The following GIGYF1 variants were observed in gnomAD, a reference collection of about 807,000 sequenced individuals.
GIGYF1 encodes the protein GRB10 interacting GYF protein 1, also known as GRB10-interacting GYF protein 1.
GIGYF1 carries 84 observed loss-of-function variants against 147.1 expected under a neutral mutation model. The ratio of observed to expected loss-of-function variants is 0.57; its 90% confidence interval spans 0.48 to 0.68. The LOEUF is 0.68. Among genes scored for constraint, GIGYF1 ranks in the 30% least tolerant of loss-of-function variants. GIGYF1 has a pLI of 0.00. For missense variants in GIGYF1, 1,485 were observed against 1,393.7 expected (o/e 1.07, Z -1.04); for synonymous variants, 752 against 589.5 (o/e 1.28, Z -3.99).
intron 3 of GIGYF1, 49 bp downstream of exon 3, chr7:100,688,402 A>C: frequency 1.1e-5 from 8 of 713,720 alleles, no homozygotes; most frequent in East Asian, 2.7e-5. Flanking sequence ...GGGCACAACA[A>C]TGGGCCCCGG....
At position 100,681,765 on chromosome 7, in the gene GIGYF1, G is replaced by A. The variant is rs1395651149; in HGVS notation, c.3062C>T (p.Ser1021Phe). The A allele has an allele frequency of 1.3e-6, 2 of 1,589,388 alleles. No individual in the cohort carries two copies. The highest frequency in any genetic ancestry group is 8.6e-7 in the Non-Finnish European group (1 of 1,166,650). ...GATCTCACCAGAAGATCCGTGCAGG[G>A]AGTACCCTGAAGCCGGGGAGAAGCT... ...LHSDPSILGY[S>F]LHGSSGEIES... The change falls in exon 27 of 27, where the codon TCC becomes TTC. Residue 1021 changes from serine to phenylalanine, a missense_variant. Coordinates refer to ENST00000678049, the MANE Select transcript of GIGYF1 (RefSeq NM_001375765.1).
chr7:100,681,416 A>T lies in GIGYF1; in HGVS notation c.*303T>A, dbSNP rs917868065. ...CTGTGGACCTTCCATTGTCACACCC[A>T]CTATCCTCACAGCAGGAAGGGGTGT... On this transcript the variant is annotated 3_prime_UTR_variant, in exon 27 of 27. Transcript: ENST00000678049. 1.4e-5 allele frequency: 4 copies of T among 281,352 alleles called. No individual in the cohort carries two copies. The highest frequency in any genetic ancestry group is 1.1e-4 in the Admixed American group (2 of 18,866). The allele number at this position is 281,352 out of a possible 1,614,324, so 17.4% of individuals were successfully genotyped here.
rs368397637 is a variant in GIGYF1 at position 100,692,568 on chromosome 7, T to C, written c.-1099+1542A>G. Among the ~76,000 whole-genome samples, 21 of 152,366 alleles carry C rather than the reference T, an allele frequency of 1.4e-4. No individual in the cohort carries two copies. The East Asian group carries it at 2.1e-3, about 15-fold the overall frequency. On this transcript the variant is annotated intron_variant, in intron 1 of 26. Transcript: ENST00000678049. ...CCTCCTCCTCTCATCTTCTCTCCTC[T>C]AAAGTGGGCTATTTTTCTTTAATTC...
chr7:100,688,364 G>A, intron 3 of GIGYF1, 57 bp from the exon 4 acceptor site: 1 of 823,208 alleles, frequency 1.2e-6, no homozygotes, highest in South Asian at 1.5e-5. Flanking sequence ...TTAAAGCGCA[G>A]GGAGGACACC....
At chr7:100,686,143 G>A (rs774406939) in intron 11 of GIGYF1, 37 bp downstream of exon 11, 1 of 1,601,520 alleles carries the variant, frequency 6.2e-7, no homozygotes, top group East Asian at 2.2e-5. Flanking sequence ...GAGGACCCCG[G>A]AAGGGCAGGT....
At position 100,681,619 on chromosome 7, in the gene GIGYF1, C is replaced by T. The variant is rs1804775786; in HGVS notation, c.*100G>A. The T allele has an allele frequency of 8.4e-7, 1 of 1,183,674 alleles. No individual in the cohort carries two copies. The highest frequency in any genetic ancestry group is 2.8e-5 in the Admixed American group (1 of 36,090). The allele number at this position is 1,183,674 out of a possible 1,614,324, so 73.3% of individuals were successfully genotyped here. A position where few individuals can be genotyped will look rare whatever the true frequency, so the allele number is the denominator to read the frequency against. On this transcript the variant is annotated 3_prime_UTR_variant, in exon 27 of 27. Coordinates refer to ENST00000678049, the MANE Select transcript of GIGYF1 (RefSeq NM_001375765.1). ...AGTGCTGGGGACCCCGCCCCTGCCTCTTCCTGTGCTCTCTGCGGGGAGCCT... is the reference window on the plus strand; with the variant it reads ...AGTGCTGGGGACCCCGCCCCTGCCTTTTCCTGTGCTCTCTGCGGGGAGCCT...
rs1804608130 is a variant in GIGYF1 at position 100,680,280 on chromosome 7, A to G, written c.*1439T>C. The G allele has an allele frequency of 6.6e-6, 1 of 152,664 alleles. No individual in the cohort carries two copies. Among genetic ancestry groups the G allele is most frequent in the Non-Finnish European group, 1.5e-5 (1 of 68,084 alleles). The allele number at this position is 152,664 out of a possible 1,614,324, so 9.5% of individuals were successfully genotyped here. On this transcript the variant is annotated 3_prime_UTR_variant, in exon 27 of 27. Transcript: ENST00000678049. ...CCATGTCCCCAGGGCAGGAGGGAGA[A>G]ATACATTCATGGAGGGAGGCAGTGG... is the stretch of plus-strand genomic sequence containing the variant.
In GIGYF1 at chr7:100,684,225, G is replaced by A. The variant is rs1470991249; in HGVS notation, c.1730+12C>T. The A allele has an allele frequency of 1.3e-6, 2 of 1,599,340 alleles. No individual in the cohort carries two copies. The highest frequency in any genetic ancestry group is 1.7e-5 in the Admixed American group (1 of 59,604). On this transcript the variant is annotated intron_variant, in intron 17 of 26. Transcript: ENST00000678049. Reference sequence around the variant, plus strand: ...CCGGGCCTTCTCCCAGCCCACCCCAGGCCCCCCATACCTGCTGACCAGCTG... The same window carrying A: ...CCGGGCCTTCTCCCAGCCCACCCCAAGCCCCCCATACCTGCTGACCAGCTG...
In GIGYF1 at chr7:100,687,977, C is replaced by T. The variant is rs767875265; in HGVS notation, c.165+4G>A. The T allele has an allele frequency of 1.9e-6, 3 of 1,610,812 alleles. No homozygotes were observed. The South Asian group carries it at 3.3e-5, about 18-fold the overall frequency. On this transcript the variant is annotated splice_donor_region_variant and intron_variant, in intron 5 of 26. Transcript: ENST00000678049. ...CCGCCAACCCCCCTCGCCCACGCACCCACCTTGTTCTCCTTGACGTAGAGA... is the reference window on the plus strand; with the variant it reads ...CCGCCAACCCCCCTCGCCCACGCACTCACCTTGTTCTCCTTGACGTAGAGA...
Position 100,682,643 on chromosome 7 carries a change from C to G in GIGYF1, c.2547G>C (p.Gly849=), listed in dbSNP as rs1455176453. 6.2e-7 allele frequency: 1 copy of G among 1,602,746 alleles called. No individual in the cohort carries two copies. The highest frequency in any genetic ancestry group is 1.3e-5 in the African/African-American group (1 of 74,834). ...TCAGGCCGAGGCCACGGACCAGGCT[C>G]CCGCCGCTCTTGGGGGTGTCCTCCC... ...GLWEDTPKSG[G]SLVRGLGLKN... Residue 849 remains glycine (G), a synonymous_variant, in exon 23 of 27, where the codon GGG becomes GGC. Transcript: ENST00000678049.
At position 100,682,078 on chromosome 7, in the gene GIGYF1, C is replaced by T. The variant is rs1367344834; in HGVS notation, c.2919G>A (p.Gln973=). ...AKQKASQQRQ[Q]QQEAWLSSAS... is the part of the protein sequence containing the mutation. The stretch of plus-strand genomic sequence containing the variant: ...CTGGTGCCGGCTGCCTCACCTGCTG[C>T]TGCTGCCGCTGCTGGCTGGCTTTCT... The change falls in exon 25 of 27, where the codon CAG becomes CAA. Residue 973 remains glutamine (Q), a synonymous_variant. Transcript: ENST00000678049. 1.2e-6 allele frequency: 2 copies of T among 1,612,540 alleles called. No individual in the cohort carries two copies. The highest frequency in any genetic ancestry group is 1.7e-6 in the Non-Finnish European group (2 of 1,179,698).
chr7:100,693,305 T>G (rs1805970404), intron 1 of GIGYF1, among the ~76,000 whole-genome samples: 4 of 152,122 alleles, frequency 2.6e-5, no homozygotes, highest in African/African-American at 9.7e-5. Context: ...TTGTTTTTTT[T>G]TTTTTTTAAG....
chr7:100,693,807 G>C (rs1175032268), intron 1 of GIGYF1: 1 of 151,708 alleles, frequency 6.6e-6, no homozygotes, highest in African/African-American at 2.4e-5. Flanking sequence ...CGCCAGGTGC[G>C]AGGGGGGCGA....
At position 100,684,842 on chromosome 7, in the gene GIGYF1, T is replaced by A. The variant is rs376818698; in HGVS notation, c.1343A>T (p.Gln448Leu). ...CTGGGTCTGCATGGCAGCCGTGAAC[T>A]GCTCCTCCTCCAAGGAGCTGTCCTG... ...SLQDSSLEEE[Q>L]FTAAMQTQGL... is the part of the protein sequence containing the mutation. The change falls in exon 15 of 27, where the codon CAG becomes CTG. Residue 448 changes from glutamine (Q) to leucine (L), a missense_variant. Gln to Leu is a moderately radical substitution (Grantham distance 113). Transcript: ENST00000678049. The A allele has an allele frequency of 2.0e-5, 32 of 1,606,470 alleles. No homozygotes were observed. Among genetic ancestry groups the A allele is most frequent in the Non-Finnish European group, 2.6e-5 (31 of 1,175,864 alleles).
rs758561219 is a variant in GIGYF1 at position 100,684,512 on chromosome 7, C to T, written c.1567G>A (p.Glu523Lys). ...GCDEGFQPLG[E>K]VIKMWGRVPF... The stretch of plus-strand genomic sequence containing the variant: ...ACGCGGCCCCACATCTTGATCACCT[C>T]GCCCAGCGGCTGGAAGCCCTCATCG... Residue 523 changes from glutamate (E) to lysine (K), a missense_variant, in exon 16 of 27, where the codon GAG becomes AAG. Physicochemically the swap from Glu to Lys is moderately conservative, Grantham distance 56. Coordinates refer to ENST00000678049, the MANE Select transcript of GIGYF1 (RefSeq NM_001375765.1). The T allele has an allele frequency of 1.9e-6, 3 of 1,613,930 alleles. No individual in the cohort carries two copies. The highest frequency in any genetic ancestry group is 2.2e-5 in the East Asian group (1 of 44,884).
In GIGYF1 at chr7:100,685,451, TGAG is replaced by T. The variant is rs1562877537; in HGVS notation, c.1082_1084del (p.Pro361del). The T allele has an allele frequency of 6.3e-7, 1 of 1,597,862 alleles. No individual in the cohort carries two copies. The highest frequency in any genetic ancestry group is 8.5e-7 in the Non-Finnish European group (1 of 1,176,226). On this transcript the variant is annotated inframe_deletion, in exon 13 of 27. Coordinates refer to ENST00000678049, the MANE Select transcript of GIGYF1 (RefSeq NM_001375765.1). ...GGATGGGGAGCTGGACTTCTCCTCCTGAGGAGGCAGTGGGGTCAGCTCTTTCCC... is the reference window on the plus strand; with the variant it reads ...GGATGGGGAGCTGGACTTCTCCTCCTGAGGCAGTGGGGTCAGCTCTTTCCC...
At chr7:100,683,715 C>G in intron 19 of GIGYF1, 83 bp from the exon 20 acceptor site, 1 of 1,555,762 alleles carries the variant, frequency 6.4e-7, no homozygotes, top group Non-Finnish European at 8.9e-7. Flanking sequence ...GTGGGCTCCC[C>G]AGCCAGAATG....
At position 100,687,821 on chromosome 7, in the gene GIGYF1, G is replaced by T. The variant is rs762763104; in HGVS notation, c.228C>A (p.Pro76=). ...CCTCAGTCAGCGGCTCCAGAGCCAGGGGCTGCAGTGGCTCGTCCTGCAGCA... is the reference window on the plus strand; with the variant it reads ...CCTCAGTCAGCGGCTCCAGAGCCAGTGGCTGCAGTGGCTCGTCCTGCAGCA... The part of the protein sequence containing the change: ...AAVLQDEPLQ[P]LALEPLTEEE... Residue 76 remains proline, a synonymous_variant, in exon 6 of 27, where the codon CCC becomes CCA. Coordinates refer to ENST00000678049, the MANE Select transcript of GIGYF1 (RefSeq NM_001375765.1). 3 of 1,613,026 alleles carry T rather than the reference G, an allele frequency of 1.9e-6. No individual in the cohort carries two copies. The highest frequency in any genetic ancestry group is 2.5e-6 in the Non-Finnish European group (3 of 1,179,992).
Position 100,681,503 on chromosome 7 carries a change from TTAAAAAAAAAAA to T in GIGYF1, c.*204_*215del. 1 of 258,384 alleles carries T rather than the reference TTAAAAAAAAAAA, an allele frequency of 3.9e-6. No individual in the cohort carries two copies. Among genetic ancestry groups the T allele is most frequent in the African/African-American group, 1.4e-4 (1 of 7,302 alleles). 16.0% of individuals were successfully genotyped at this position (258,384 alleles called of 1,614,324 possible). ...TAATGTTTTCTTCAGTCGTTTAAAA[TTAAAAAAAAAAA>T]TAAAAAGAAAAACCCCCTCCCCCAG... On this transcript the variant is annotated 3_prime_UTR_variant, in exon 27 of 27. Transcript: ENST00000678049.
Sources: gnomAD v4.1 joint callset for allele counts (sites outside exome capture counted in the v4.1 genomes callset) on GRCh38, gnomAD v4.1.1 for gene constraint, MANE v1.5 for transcripts, NCBI Gene and HGNC (gene_info 2026-07-23, HGNC 2026-07-21) for gene names.